The following MICAL2 variants were observed in gnomAD, a reference collection of about 807,000 sequenced individuals.
MICAL2 encodes the protein microtubule associated monooxygenase, calponin and LIM domain containing 2, also known as [F-actin]-monooxygenase MICAL2.
MICAL2 carries 77 observed loss-of-function variants against 127.3 expected under a neutral mutation model. The observed-to-expected ratio is 0.60, with a 90% CI of 0.50 to 0.73. The LOEUF (loss-of-function observed/expected upper bound fraction) is 0.73. Ranked by LOEUF, MICAL2 falls within the 30% of genes least tolerant of loss-of-function variation. MICAL2 has a pLI of 0.00. For synonymous variants in MICAL2, 570 were observed against 551.1 expected (o/e 1.03, Z -0.48); for missense variants, 1,351 against 1,434.4 (o/e 0.94, Z 0.94).
At chr11:12,255,784 A>C in intron 23 of MICAL2, 34 bp downstream of exon 23, 1 of 1,561,686 alleles carries the variant, frequency 6.4e-7, no homozygotes, top group Non-Finnish European at 8.8e-7. Context: ...TCACCCACAG[A>C]CACTGGCTCT....
chr11:12,294,678 A>G, downstream of MICAL2: 1 of 1,614,206 alleles, frequency 6.2e-7, no homozygotes, highest in Non-Finnish European at 8.5e-7. Flanking sequence ...GAATCCAGAC[A>G]AAGAAAGGAC....
chr11:12,142,763 GA>G (rs1184191165), intron 2 of MICAL2, among the ~76,000 whole-genome samples: 2 of 152,228 alleles, frequency 1.3e-5, no homozygotes, highest in Non-Finnish European at 2.9e-5. Context: ...TTGTACTGAG[GA>G]GAAAATTGAG....
At chr11:12,191,303 T>A (rs1195285408) in intron 3 of MICAL2, among the ~76,000 whole-genome samples, 2 of 146,214 alleles carry the variant, frequency 1.4e-5, no homozygotes, top group East Asian at 4.0e-4. Context: ...TATCTCTATT[T>A]AAAAAAAAAA....
At chr11:12,220,638 T>A (rs1021945549) in intron 9 of MICAL2, among the ~76,000 whole-genome samples, 180 bp downstream of exon 9, 1 of 152,258 alleles carries the variant, frequency 6.6e-6, no homozygotes, top group African/African-American at 2.4e-5. Flanking sequence ...CAGAGGAGCC[T>A]ATTCTGCCTC....
upstream of MICAL2, among the ~76,000 whole-genome samples, chr11:12,275,648 C>G (rs896490943): frequency 6.6e-6 from 1 of 152,180 alleles, no homozygotes; most frequent in African/African-American, 2.4e-5. Flanking sequence ...GAGATGTTAC[C>G]ACTGGATTTA....
chr11:12,249,158 G>T (rs1861183461), intron 21 of MICAL2, 26 bp from the exon 22 acceptor site: 3 of 1,612,516 alleles, frequency 1.9e-6, no homozygotes, highest in Non-Finnish European at 2.5e-6. Context: ...TACCTAAAAT[G>T]CATGTTGATC....
chr11:12,318,250 A>C (rs1864252389), intron 29 of MICAL2, among the ~76,000 whole-genome samples: 1 of 152,212 alleles, frequency 6.6e-6, no homozygotes, highest in Admixed American at 6.5e-5. Context: ...TTATTTCCTC[A>C]AGGTCATATG....
intron 2 of MICAL2, among the ~76,000 whole-genome samples, chr11:12,284,284 T>A (rs1863799984): frequency 2.6e-5 from 4 of 152,232 alleles, no homozygotes. Context: ...TTTGTAGCAA[T>A]GAAATGATAT....
chr11:12,125,339 C>T (rs1373697190), intron 1 of MICAL2, among the ~76,000 whole-genome samples: 3 of 152,220 alleles, frequency 2.0e-5, no homozygotes, highest in African/African-American at 7.2e-5. Context: ...CTGCAACCTC[C>T]GCCTCCTGGG....
chr11:12,240,874 C>G (rs1189528035), intron 17 of MICAL2, among the ~76,000 whole-genome samples, 166 bp from the exon 18 acceptor site: 1 of 152,250 alleles, frequency 6.6e-6, no homozygotes, highest in East Asian at 1.9e-4. Context: ...GCTCAAGTTT[C>G]CCAGCTGGGC....
intron 21 of MICAL2, among the ~76,000 whole-genome samples, 193 bp downstream of exon 21, chr11:12,244,305 A>C (rs1329262332): frequency 6.6e-6 from 1 of 152,230 alleles, no homozygotes; most frequent in Non-Finnish European, 1.5e-5. Context: ...GGCAGTGTAC[A>C]AAAGCTTGCC....
exon 2 of MICAL2, chr11:12,281,042 G>A: frequency 2.5e-6 from 1 of 399,068 alleles, no homozygotes; most frequent in Non-Finnish European, 4.4e-6. Context: ...GTCCCTAGGG[G>A]AGGCCCTGAG....
intron 4 of MICAL2, among the ~76,000 whole-genome samples, chr11:12,205,070 CT>C (rs1854513506): frequency 6.6e-6 from 1 of 152,076 alleles, no homozygotes; most frequent in Non-Finnish European, 1.5e-5. Flanking sequence ...AAAATATGAG[CT>C]TTAAAAAGAG....
At chr11:12,137,755 T>G (rs944296036) in intron 1 of MICAL2, among the ~76,000 whole-genome samples, 1 of 152,240 alleles carries the variant, frequency 6.6e-6, no homozygotes, top group Admixed American at 6.5e-5. Context: ...TATTTTGATT[T>G]ATTTTTTAAT....
chr11:12,308,240 T>A (rs1042782865), intron 29 of MICAL2: 1 of 152,156 alleles, frequency 6.6e-6, no homozygotes, highest in African/African-American at 2.4e-5. Context: ...TTGTTTTTCT[T>A]AAAAATTAAT....
downstream of MICAL2, chr11:12,293,627 C>T (rs763846756): frequency 2.4e-5 from 39 of 1,613,830 alleles, no homozygotes; most frequent in Admixed American, 2.0e-4. Context: ...CCCAAACTTT[C>T]GGAGGCGAGC....
At chr11:12,134,433 G>A (rs1851676450) in intron 1 of MICAL2, among the ~76,000 whole-genome samples, 3 of 152,202 alleles carry the variant, frequency 2.0e-5, no homozygotes, top group Admixed American at 1.3e-4. Flanking sequence ...GGAAGCACAG[G>A]GCTGGGCTGC....
intron 14 of MICAL2, among the ~76,000 whole-genome samples, chr11:12,226,726 C>T (rs1482811519): frequency 7.0e-6 from 1 of 142,124 alleles, no homozygotes; most frequent in East Asian, 2.1e-4. Flanking sequence ...GATCTCGGCT[C>T]ACTGCAAGCT....
chr11:12,250,987 C>T (rs548016832), intron 22 of MICAL2, among the ~76,000 whole-genome samples: 6 of 152,088 alleles, frequency 3.9e-5, no homozygotes, highest in Non-Finnish European at 7.3e-5. Flanking sequence ...TTCTCAGGAT[C>T]GTGAGAACCT....
Sources: allele counts gnomAD v4.1 joint callset (sites outside exome capture counted in the v4.1 genomes callset), GRCh38; gene constraint gnomAD v4.1.1; transcripts MANE v1.5; gene names NCBI Gene and HGNC (gene_info 2026-07-23, HGNC 2026-07-21).